The following PCDHA7 variants were observed in gnomAD, a reference collection of about 807,000 sequenced individuals.
PCDHA7 encodes protocadherin alpha 7.
Under a neutral mutation model 57.2 loss-of-function variants are expected in PCDHA7, and 37 were observed. The observed-to-expected ratio is 0.65, with a 90% CI of 0.50 to 0.85. The LOEUF is 0.85. PCDHA7 is among the 40% of genes least tolerant of loss of function. The pLI is 0.00. For synonymous variants in PCDHA7, 553 were observed against 558.8 expected, an observed-to-expected ratio of 0.99 and a Z score of 0.15; for missense variants, 1,188 against 1,241.8, an observed-to-expected ratio of 0.96 and a Z score of 0.65.
chr5:140,871,570 T>A, intron 1 of PCDHA7: 1 of 1,480,760 alleles, frequency 6.8e-7, no homozygotes, highest in Non-Finnish European at 9.0e-7. Context: ...TTCACGGATT[T>A]TTTAAGGGAA....
chr5:140,962,329 T>A (rs1341757607), intron 1 of PCDHA7, among the ~76,000 whole-genome samples: 1 of 152,250 alleles, frequency 6.6e-6, no homozygotes, highest in Non-Finnish European at 1.5e-5. Context: ...TTGAGAATAC[T>A]GATAAAGAAG....
intron 1 of PCDHA7, among the ~76,000 whole-genome samples, chr5:140,950,128 A>T (rs1488144119): frequency 6.6e-6 from 1 of 151,920 alleles, no homozygotes; most frequent in Non-Finnish European, 1.5e-5. Flanking sequence ...AACCCACAAG[A>T]CACAGTTATA....
At position 140,843,195 on chromosome 5, in the gene PCDHA7, G is replaced by T. The variant is rs1554139855; in HGVS notation, c.2355+6457G>T. 5.6e-6 allele frequency: 9 copies of T among 1,596,020 alleles called. 1 individual carries two copies. The highest frequency in any genetic ancestry group is 3.3e-5 in the South Asian group (3 of 90,494). On this transcript the variant is annotated intron_variant, in intron 1 of 3. Transcript: ENST00000525929. ...AGCCCTCGCATCCCGTTCCGCGTGG[G>T]GCTGTACACGGGCGAGATCAGCACC...
intron 1 of PCDHA7, chr5:140,869,391 C>T: frequency 6.2e-7 from 1 of 1,614,138 alleles, no homozygotes; most frequent in Non-Finnish European, 8.5e-7. Flanking sequence ...AGGAGCTGTG[C>T]GGGCAGAGCG....
chr5:140,950,959 T>C (rs969091651), intron 1 of PCDHA7, among the ~76,000 whole-genome samples: 5 of 152,120 alleles, frequency 3.3e-5, no homozygotes, highest in Non-Finnish European at 5.9e-5. Context: ...TCTATTGATC[T>C]ATTTTCAGAT....
intron 1 of PCDHA7, chr5:140,881,486 T>G: frequency 2.8e-6 from 1 of 355,652 alleles, no homozygotes; most frequent in African/African-American, 2.2e-5. Flanking sequence ...ATTATTGTGT[T>G]TATGCACATA....
chr5:140,926,548 A>C, intron 1 of PCDHA7: 1 of 226,392 alleles, frequency 4.4e-6, no homozygotes, highest in Non-Finnish European at 8.5e-6. Flanking sequence ...GGTGGTCGAG[A>C]CCCCAGCCCG....
intron 2 of PCDHA7, among the ~76,000 whole-genome samples, chr5:140,981,838 C>T (rs916108739): frequency 3.9e-5 from 6 of 152,086 alleles, no homozygotes; most frequent in Admixed American, 6.6e-5. Context: ...AAAGGTCTCC[C>T]AGTTTGTATC....
chr5:140,886,368 C>A (rs1174734883), intron 1 of PCDHA7, among the ~76,000 whole-genome samples: 1 of 152,040 alleles, frequency 6.6e-6, no homozygotes, highest in Non-Finnish European at 1.5e-5. Flanking sequence ...GGTGTACATG[C>A]CATGGTGTGC....
At chr5:140,883,526 G>A (rs1554178547) in intron 1 of PCDHA7, 2 of 1,614,226 alleles carry the variant, frequency 1.2e-6, no homozygotes, top group East Asian at 2.2e-5. Flanking sequence ...GAGCGTATCA[G>A]CCTATGAACT....
At chr5:140,882,545 G>C (rs1174281421) in intron 1 of PCDHA7, 1 of 1,614,120 alleles carries the variant, frequency 6.2e-7, no homozygotes, top group African/African-American at 1.3e-5. Flanking sequence ...GATCGACCGC[G>C]AGGAGCTGTG....
At chr5:140,840,408 T>G (rs1310565539) in intron 1 of PCDHA7, among the ~76,000 whole-genome samples, 6 of 151,960 alleles carry the variant, frequency 3.9e-5, no homozygotes, top group Admixed American at 2.0e-4. Context: ...TTAAGAATAC[T>G]TCAAATAATA....
At chr5:140,927,973 C>G (rs77078209) in intron 1 of PCDHA7, 1 of 1,614,216 alleles carries the variant, frequency 6.2e-7, no homozygotes, top group Non-Finnish European at 8.5e-7. Context: ...AGTGATTGCT[C>G]TCTTTAGTGT....
chr5:140,960,740 C>T (rs949372581), intron 1 of PCDHA7, among the ~76,000 whole-genome samples: 1 of 151,868 alleles, frequency 6.6e-6, no homozygotes, highest in South Asian at 2.1e-4. Flanking sequence ...GATTTTAGTC[C>T]ATGGCTAAAA....
intron 3 of PCDHA7, among the ~76,000 whole-genome samples, chr5:140,984,583 T>C (rs2097109355): frequency 6.6e-6 from 1 of 152,200 alleles, no homozygotes; most frequent in South Asian, 2.1e-4. Context: ...AACCTAATCA[T>C]ACTTTTCAAT....
In PCDHA7 at chr5:140,849,698, C is replaced by G. The variant is rs2150445577; in HGVS notation, c.2355+12960C>G. 4 of 1,598,548 alleles carry G rather than the reference C, an allele frequency of 2.5e-6. No individual in the cohort carries two copies. In the South Asian group the frequency reaches 3.3e-5, roughly 13 times the overall value. The stretch of plus-strand genomic sequence containing the variant: ...TCCCCTTCAAGCTGGTGTCCACCTA[C>G]AAGAATTACTACTCGTTGGTGCTGG... On this transcript the variant is annotated intron_variant, in intron 1 of 3. Transcript: ENST00000525929.
rs557129583 is a variant in PCDHA7 at position 140,853,604 on chromosome 5, G to A, written c.2355+16866G>A. The A allele has an allele frequency of 2.1e-4, 212 of 987,262 alleles. 18 individuals are homozygous for A. Among genetic ancestry groups the A allele is most frequent in the Non-Finnish European group, 2.2e-4 (180 of 819,618 alleles). 61.2% of individuals were successfully genotyped at this position (987,262 alleles called of 1,614,324 possible). A position where few individuals can be genotyped will look rare whatever the true frequency, so the allele number is the denominator to read the frequency against. ...ATCTTAGACACTTTGAGAGCAAAGG[G>A]GGTGCTGTAAATAAGTATACAAGAT... On this transcript the variant is annotated intron_variant, in intron 1 of 3. Coordinates refer to ENST00000525929, the MANE Select transcript of PCDHA7 (RefSeq NM_018910.3).
chr5:140,949,892 C>G (rs2094430270), intron 1 of PCDHA7, among the ~76,000 whole-genome samples: 1 of 151,674 alleles, frequency 6.6e-6, no homozygotes, highest in African/African-American at 2.4e-5. Context: ...TCCTCAGAAT[C>G]TCTTTTAATT....
chr5:140,944,276 A>C (rs2093633258), intron 1 of PCDHA7, among the ~76,000 whole-genome samples: 1 of 152,002 alleles, frequency 6.6e-6, no homozygotes, highest in Non-Finnish European at 1.5e-5. Flanking sequence ...CAGCCTTGAC[A>C]CCCCGGGCTC....
Sources: allele counts gnomAD v4.1 joint callset (sites outside exome capture counted in the v4.1 genomes callset), GRCh38; gene constraint gnomAD v4.1.1; transcripts MANE v1.5; gene names NCBI Gene and HGNC (gene_info 2026-07-23, HGNC 2026-07-21).